Variants in NKAIN2 observed in about 807,000 individuals in gnomAD.
The protein encoded by NKAIN2 is sodium/potassium transporting ATPase interacting 2.
In NKAIN2, 14 loss-of-function variants were observed where a neutral mutation model predicts 32.6. The observed-to-expected ratio is 0.43, with a 90% CI of 0.28 to 0.67. The LOEUF (loss-of-function observed/expected upper bound fraction) is 0.67. Ranked by LOEUF, NKAIN2 falls within the 30% of genes least tolerant of loss-of-function variation. The pLI is 0.17. For synonymous variants in NKAIN2, 80 were observed against 87.2 expected (o/e 0.92, Z 0.46); for missense variants, 198 against 258.3 (o/e 0.77, Z 1.60).
At chr6:124,005,970 AGTCC>A (rs1408192898) in intron 1 of NKAIN2, among the ~76,000 whole-genome samples, 1 of 152,182 alleles carries the variant, frequency 6.6e-6, no homozygotes, top group Non-Finnish European at 1.5e-5. Flanking sequence ...ACTTCTAACT[AGTCC>A]TCTGTCTCTG....
chr6:124,192,996 G>C (rs1336465996), intron 1 of NKAIN2, among the ~76,000 whole-genome samples: 1 of 151,948 alleles, frequency 6.6e-6, no homozygotes, highest in African/African-American at 2.4e-5. Flanking sequence ...TGATCCGCTC[G>C]CCTTGGCCTC....
At chr6:123,904,905 A>G (rs974255276) in intron 1 of NKAIN2, among the ~76,000 whole-genome samples, 2 of 152,298 alleles carry the variant, frequency 1.3e-5, no homozygotes, top group African/African-American at 4.8e-5. Flanking sequence ...GTAAATCTTC[A>G]TCCTCTGGGC....
intron 1 of NKAIN2, among the ~76,000 whole-genome samples, chr6:124,133,258 C>T (rs571456527): frequency 3.3e-5 from 5 of 152,264 alleles, no homozygotes; most frequent in South Asian, 2.1e-4. Context: ...GCAGAGTCAC[C>T]GTTCCTCCCT....
At chr6:124,245,455 G>C (rs1394535992) in intron 1 of NKAIN2, among the ~76,000 whole-genome samples, 4 of 151,912 alleles carry the variant, frequency 2.6e-5, no homozygotes, top group Admixed American at 2.6e-4. Flanking sequence ...GGTTTCATTA[G>C]CTTCAAATCT....
chr6:124,191,255 C>A (rs532235584), intron 1 of NKAIN2, among the ~76,000 whole-genome samples: 87 of 152,122 alleles, frequency 5.7e-4, no homozygotes, highest in African/African-American at 1.7e-3. Flanking sequence ...TGGTACAAAT[C>A]TGATTTATTC....
At chr6:124,066,862 TTGTGTG>T (rs10574288) in intron 1 of NKAIN2, among the ~76,000 whole-genome samples, 52,178 of 149,492 alleles carry the variant, frequency 0.35, 9,207 homozygotes, top group Non-Finnish European at 0.4. Flanking sequence ...TTTGCTGCGT[TTGTGTG>T]TGTGTGTGTG....
chr6:124,515,806 TCAGCC>T (rs1473441976), intron 3 of NKAIN2, among the ~76,000 whole-genome samples: 3 of 4,536 alleles, frequency 6.6e-4, no homozygotes, highest in African/African-American at 2.5e-3. Context: ...TTCTCCTGCC[TCAGCC>T]TCCCGAGTAG....
chr6:124,663,137 T>G (rs1005611480), intron 4 of NKAIN2, among the ~76,000 whole-genome samples: 4 of 152,198 alleles, frequency 2.6e-5, no homozygotes, highest in South Asian at 4.1e-4. Flanking sequence ...TTAAAAGTTA[T>G]AGATTTTGGC....
At chr6:124,639,719 T>G (rs979519978) in intron 3 of NKAIN2, among the ~76,000 whole-genome samples, 1 of 152,052 alleles carries the variant, frequency 6.6e-6, no homozygotes, top group African/African-American at 2.4e-5. Flanking sequence ...AAAACATGGA[T>G]GAGTTTGCAG....
In NKAIN2 at chr6:124,191,993, T is replaced by C. The variant is rs150829352; in HGVS notation, c.55-91012T>C. 2.8e-3 allele frequency among the ~76,000 whole-genome samples: 414 copies of C among 146,780 alleles called. 3 individuals carry two copies. Among genetic ancestry groups the C allele is most frequent in the African/African-American group, 0.011 (390 of 36,638 alleles). Reference sequence around the variant, plus strand: ...TACTGTAATTTTTGTTTTTACTTTTTTCTTAATTAGTCTTCTTAGGAGTTT... The same window carrying C: ...TACTGTAATTTTTGTTTTTACTTTTCTCTTAATTAGTCTTCTTAGGAGTTT... On this transcript the variant is annotated intron_variant, in intron 1 of 6. Coordinates refer to ENST00000368417, the MANE Select transcript of NKAIN2 (RefSeq NM_001040214.3).
At chr6:124,761,907 G>A (rs1256564356) in intron 4 of NKAIN2, among the ~76,000 whole-genome samples, 2 of 152,118 alleles carry the variant, frequency 1.3e-5, no homozygotes, top group Admixed American at 6.6e-5. Flanking sequence ...TCCAAAATGT[G>A]CAGATGTATA....
intron 1 of NKAIN2, among the ~76,000 whole-genome samples, chr6:123,970,980 A>G (rs1011416302): frequency 2.6e-5 from 4 of 152,194 alleles, no homozygotes; most frequent in African/African-American, 9.6e-5. Flanking sequence ...TAAGTCATAA[A>G]CTGTGGTGGT....
chr6:123,969,971 AATAAT>A (rs1254666564), intron 1 of NKAIN2, among the ~76,000 whole-genome samples: 1 of 152,194 alleles, frequency 6.6e-6, no homozygotes, highest in African/African-American at 2.4e-5. Context: ...CAAAGGATAA[AATAAT>A]ATGTCTTAGG....
chr6:124,509,301 G>T (rs1453723317), intron 3 of NKAIN2, among the ~76,000 whole-genome samples: 1 of 152,144 alleles, frequency 6.6e-6, no homozygotes, highest in Non-Finnish European at 1.5e-5. Context: ...ATGAAGGAAA[G>T]AATTCATAAT....
chr6:124,079,973 G>T (rs1783879709), intron 1 of NKAIN2, among the ~76,000 whole-genome samples: 1 of 151,936 alleles, frequency 6.6e-6, no homozygotes, highest in Non-Finnish European at 1.5e-5. Flanking sequence ...TTTGTCCTCA[G>T]AGAGAAATGG....
chr6:124,409,187 C>T (rs1224149676), intron 3 of NKAIN2, among the ~76,000 whole-genome samples: 1 of 152,122 alleles, frequency 6.6e-6, no homozygotes, highest in Non-Finnish European at 1.5e-5. Flanking sequence ...CCGTTTATTT[C>T]CTTCTCCTGC....
chr6:124,411,558 G>T (rs1275535655), intron 3 of NKAIN2, among the ~76,000 whole-genome samples: 7 of 152,266 alleles, frequency 4.6e-5, no homozygotes, highest in African/African-American at 1.7e-4. Context: ...TCAGCTGTTA[G>T]TCTGATGGGC....
At chr6:124,454,981 A>G (rs899958479) in intron 3 of NKAIN2, among the ~76,000 whole-genome samples, 1 of 152,036 alleles carries the variant, frequency 6.6e-6, no homozygotes, top group Non-Finnish European at 1.5e-5. Context: ...AAAGAATGAA[A>G]CACAGAATTT....
chr6:124,565,833 AGAAGGATGG>A (rs564261337), intron 3 of NKAIN2, among the ~76,000 whole-genome samples: 49 of 152,344 alleles, frequency 3.2e-4, no homozygotes, highest in African/African-American at 1.2e-3. Flanking sequence ...TCTTATTTAC[AGAAGGATGG>A]GAAGTGTTTC....
Sources: allele counts gnomAD v4.1 joint callset (sites outside exome capture counted in the v4.1 genomes callset), GRCh38; gene constraint gnomAD v4.1.1; transcripts MANE v1.5; gene names NCBI Gene and HGNC (gene_info 2026-07-23, HGNC 2026-07-21).